Variants in ARHGAP35 observed in about 807,000 individuals in gnomAD.
ARHGAP35 encodes rho GTPase-activating protein 35.
Under a neutral mutation model 111.1 loss-of-function variants are expected in ARHGAP35, and 15 were observed. That is an observed-to-expected ratio of 0.13 (90% CI 0.09 to 0.21). The LOEUF is 0.21. Among genes scored for constraint, ARHGAP35 ranks in the 10% least tolerant of loss-of-function variants. The pLI is 1.00. For missense variants in ARHGAP35, 1,262 were observed against 1,873.0 expected (o/e 0.67, Z 6.02); for synonymous variants, 643 against 710.3 (o/e 0.91, Z 1.51).
At chr19:46,923,198 G>C (rs372992747) in intron 2 of ARHGAP35, among the ~76,000 whole-genome samples, 40 of 149,732 alleles carry the variant, frequency 2.7e-4, no homozygotes, top group African/African-American at 9.9e-4. Flanking sequence ...TCCGCCTCCT[G>C]GGTTCACGCC....
intron 3 of ARHGAP35, among the ~76,000 whole-genome samples, chr19:46,955,585 C>T (rs970430404): frequency 7.9e-5 from 12 of 152,066 alleles, no homozygotes; most frequent in South Asian, 2.1e-4. Context: ...TAATTTCATA[C>T]GATGTTTTTT....
At chr19:46,955,105 C>T (rs1047035159) in intron 3 of ARHGAP35, among the ~76,000 whole-genome samples, 2 of 152,128 alleles carry the variant, frequency 1.3e-5, no homozygotes, top group Admixed American at 6.5e-5. Context: ...TTATTATTGT[C>T]GTTTCAATAT....
At chr19:46,876,834 G>A (rs1216935921) in intron 1 of ARHGAP35, among the ~76,000 whole-genome samples, 2 of 152,310 alleles carry the variant, frequency 1.3e-5, no homozygotes, top group East Asian at 3.9e-4. Context: ...GAATATAGTG[G>A]TAGGAAAATA....
chr19:46,863,535 G>T (rs1390772308), intron 1 of ARHGAP35, among the ~76,000 whole-genome samples: 1 of 151,932 alleles, frequency 6.6e-6, no homozygotes, highest in African/African-American at 2.4e-5. Context: ...GCAGCTGCTC[G>T]CAGATCTTTA....
At chr19:46,976,803 CTG>C (rs1353850415) in intron 3 of ARHGAP35, among the ~76,000 whole-genome samples, 1 of 152,234 alleles carries the variant, frequency 6.6e-6, no homozygotes, top group Non-Finnish European at 1.5e-5. Flanking sequence ...GCTGGCCTGA[CTG>C]TGCCATTGAA....
chr19:46,882,976 C>T (rs1179784831), intron 1 of ARHGAP35, among the ~76,000 whole-genome samples: 1 of 152,196 alleles, frequency 6.6e-6, no homozygotes, highest in Non-Finnish European at 1.5e-5. Context: ...CCCCTCTTGG[C>T]TTTTGACATG....
chr19:46,900,028 T>C (rs2056076611), intron 1 of ARHGAP35, among the ~76,000 whole-genome samples: 1 of 152,182 alleles, frequency 6.6e-6, no homozygotes, highest in Non-Finnish European at 1.5e-5. Flanking sequence ...TTGATTTTTC[T>C]ATATAAATTG....
intron 1 of ARHGAP35, among the ~76,000 whole-genome samples, chr19:46,910,647 T>C (rs953334432): frequency 1.3e-5 from 2 of 151,558 alleles, no homozygotes; most frequent in African/African-American, 4.9e-5. Flanking sequence ...TGGAGTGCAG[T>C]GGTGCAGTCT....
chr19:46,876,378 T>C (rs2055921391), intron 1 of ARHGAP35, among the ~76,000 whole-genome samples: 1 of 150,660 alleles, frequency 6.6e-6, no homozygotes, highest in Non-Finnish European at 1.5e-5. Flanking sequence ...TTTTTTAAAT[T>C]TTTTTTTTCT....
At chr19:46,902,304 G>C (rs886388478) in intron 1 of ARHGAP35, among the ~76,000 whole-genome samples, 29 of 152,258 alleles carry the variant, frequency 1.9e-4, no homozygotes, top group African/African-American at 6.7e-4. Flanking sequence ...CATTCTTATG[G>C]AATGATACAG....
At chr19:46,976,624 C>T (rs1170562564) in intron 3 of ARHGAP35, among the ~76,000 whole-genome samples, 3 of 152,250 alleles carry the variant, frequency 2.0e-5, no homozygotes, top group Non-Finnish European at 4.4e-5. Context: ...GTGGGGAGCT[C>T]GGGCAGACAG....
At chr19:46,973,318 CG>C in intron 3 of ARHGAP35, among the ~76,000 whole-genome samples, 1 of 151,990 alleles carries the variant, frequency 6.6e-6, no homozygotes, top group East Asian at 1.9e-4. Flanking sequence ...GAGTCGAGAT[CG>C]TGCCGCTGCA....
chr19:46,936,295 C>T (rs1350359759), intron 2 of ARHGAP35, among the ~76,000 whole-genome samples: 4 of 152,124 alleles, frequency 2.6e-5, no homozygotes, highest in Admixed American at 2.0e-4. Context: ...ATAGTAAGTT[C>T]TCAAGTGGTT....
intron 2 of ARHGAP35, among the ~76,000 whole-genome samples, chr19:46,930,415 C>A (rs1248363548): frequency 6.8e-6 from 1 of 147,998 alleles, no homozygotes; most frequent in Admixed American, 6.8e-5. Flanking sequence ...ACCCCACCTG[C>A]TTCCAGTCCA....
intron 5 of ARHGAP35, among the ~76,000 whole-genome samples, chr19:46,991,991 T>C (rs1159124027): frequency 3.3e-5 from 5 of 152,202 alleles, no homozygotes; most frequent in African/African-American, 4.8e-5. Context: ...CTCCAGAATT[T>C]CACAATATTG....
At chr19:46,911,511 C>G (rs2056137758) in intron 1 of ARHGAP35, among the ~76,000 whole-genome samples, 1 of 152,148 alleles carries the variant, frequency 6.6e-6, no homozygotes, top group Non-Finnish European at 1.5e-5. Flanking sequence ...GATTAACACT[C>G]TGAAATATGC....
chr19:46,940,505 C>T (rs935362076), intron 3 of ARHGAP35, among the ~76,000 whole-genome samples: 4 of 151,840 alleles, frequency 2.6e-5, no homozygotes, highest in South Asian at 2.1e-4. Flanking sequence ...TCCAGCCTGG[C>T]GACAGAGCTA....
Position 46,944,475 on chromosome 19 carries a change from T to G in ARHGAP35, c.3826+7067T>G, listed in dbSNP as rs1306549809. ...CCCCCAAAACATTGAAGTCTGAGTA[T>G]GAGATCATCTCTGTGCTGTTCCGCA... On this transcript the variant is annotated intron_variant, in intron 3 of 6. Transcript: ENST00000672722. 2.6e-5 allele frequency among the ~76,000 whole-genome samples: 4 copies of G among 152,310 alleles called. No individual in the cohort carries two copies. In the East Asian group the frequency reaches 7.7e-4, roughly 29 times the overall value.
intron 2 of ARHGAP35, among the ~76,000 whole-genome samples, chr19:46,924,886 A>G (rs1396655386): frequency 6.6e-6 from 1 of 152,248 alleles, no homozygotes; most frequent in African/African-American, 2.4e-5. Context: ...ACTGAAAATG[A>G]TGCTTTAAAA....
Sources: allele counts gnomAD v4.1 joint callset (sites outside exome capture counted in the v4.1 genomes callset), GRCh38; gene constraint gnomAD v4.1.1; transcripts MANE v1.5; gene names NCBI Gene and HGNC (gene_info 2026-07-23, HGNC 2026-07-21).